The following BCAT1 variants were observed in gnomAD, a reference collection of about 807,000 sequenced individuals.
BCAT1 encodes branched chain amino acid transaminase 1.
BCAT1 carries 48 observed loss-of-function variants against 52.4 expected under a neutral mutation model. The ratio of observed to expected loss-of-function variants is 0.92; its 90% CI spans 0.73 to 1.16. The LOEUF (loss-of-function observed/expected upper bound fraction) is 1.16, where lower values mean the gene tolerates loss of function less well. Among genes scored for constraint, BCAT1 ranks in the 50% most tolerant of loss-of-function variants. The probability of loss-of-function intolerance (pLI) is 0.00; values close to 1 mark genes in which losing one functional copy is unlikely to be tolerated. For missense variants in BCAT1, 451 were observed against 457.1 expected (o/e 0.99, Z 0.12); for synonymous variants, 167 against 161.3 (o/e 1.04, Z -0.27).
At position 24,885,279 on chromosome 12, in the gene BCAT1, A is replaced by G. The variant is rs1007854202; in HGVS notation, c.280-3868T>C. On this transcript the variant is annotated intron_variant, in intron 3 of 10. Transcript: ENST00000261192. Reference sequence around the variant, plus strand: ...TATGTAATAGCAGCAGTTAAAAAATAAAAACACTATTTACAGTAGAATTAA... The same window carrying G: ...TATGTAATAGCAGCAGTTAAAAAATGAAAACACTATTTACAGTAGAATTAA... Among the ~76,000 whole-genome samples, 10 of 152,198 alleles carry G rather than the reference A, an allele frequency of 6.6e-5. 1 individual carries two copies. The highest frequency in any genetic ancestry group is 2.4e-4 in the African/African-American group (10 of 41,460).
At chr12:24,941,151 A>G (rs1457477642) in intron 1 of BCAT1, among the ~76,000 whole-genome samples, 1 of 152,214 alleles carries the variant, frequency 6.6e-6, no homozygotes, top group Non-Finnish European at 1.5e-5. Context: ...GAGTTTGTTC[A>G]TTACGATTTT....
rs1939815195 is a variant in BCAT1 at position 24,814,798 on chromosome 12, GTTTGTTTTTTTT to G, written c.*3198_*3209del. 2.2e-5 allele frequency: 1 copy of G among 46,142 alleles called. No homozygotes were observed. The highest frequency in any genetic ancestry group is 4.8e-5 in the Non-Finnish European group (1 of 20,968). The allele number at this position is 46,142 out of a possible 1,614,324, so 2.9% of individuals were successfully genotyped here. A position where few individuals can be genotyped will look rare whatever the true frequency, so the allele number is the denominator to read the frequency against. ...CTTGCTACTGCCTGCCTCTGCCTCT[GTTTGTTTTTTTT>G]TTTTTTTTTTGTCTTACATTTTTTC... On this transcript the variant is annotated 3_prime_UTR_variant, in exon 11 of 11. Coordinates refer to ENST00000261192, the MANE Select transcript of BCAT1 (RefSeq NM_005504.7).
At chr12:24,923,507 C>G (rs1591879079) in intron 1 of BCAT1, among the ~76,000 whole-genome samples, 1 of 152,154 alleles carries the variant, frequency 6.6e-6, no homozygotes, top group Admixed American at 6.5e-5. Flanking sequence ...CTCTGCCTCC[C>G]AGGATTCTCC....
intron 1 of BCAT1, chr12:24,902,293 A>G (rs1943128763): frequency 3.1e-6 from 4 of 1,303,512 alleles, no homozygotes; most frequent in Admixed American, 7.5e-5. Context: ...GGTCTTGTCA[A>G]TCACAGACGC....
At chr12:24,878,714 C>T in intron 4 of BCAT1, 65 bp from the exon 5 acceptor site, 10 of 1,426,138 alleles carry the variant, frequency 7.0e-6, no homozygotes, top group Non-Finnish European at 9.5e-6. Flanking sequence ...ATAAATGATC[C>T]TCACTGAAGC....
intron 1 of BCAT1, among the ~76,000 whole-genome samples, chr12:24,912,388 T>C (rs1293599710): frequency 6.6e-6 from 1 of 151,858 alleles, no homozygotes; most frequent in African/African-American, 2.4e-5. Flanking sequence ...GGCGTAGTGG[T>C]GGGCACCTGT....
chr12:24,937,211 G>C (rs2139754375), intron 1 of BCAT1, among the ~76,000 whole-genome samples: 1 of 152,236 alleles, frequency 6.6e-6, no homozygotes, highest in African/African-American at 2.4e-5. Context: ...GGGTCTCTTT[G>C]AGGAAGTAGC....
chr12:24,842,545 A>C (rs930882589), intron 6 of BCAT1, among the ~76,000 whole-genome samples: 1 of 152,198 alleles, frequency 6.6e-6, no homozygotes. Context: ...CCACACACCA[A>C]GCAATTTTAC....
chr12:24,858,210 T>C (rs1046830971), intron 5 of BCAT1, among the ~76,000 whole-genome samples: 3 of 152,336 alleles, frequency 2.0e-5, no homozygotes, highest in Middle Eastern at 3.4e-3. Context: ...TAACAGCTAC[T>C]GGGTCTTCTG....
intron 3 of BCAT1, among the ~76,000 whole-genome samples, chr12:24,887,726 T>C (rs1942724713): frequency 6.6e-6 from 1 of 152,246 alleles, no homozygotes; most frequent in Non-Finnish European, 1.5e-5. Context: ...TTATGCTTTA[T>C]TTCACTAAAT....
intron 1 of BCAT1, among the ~76,000 whole-genome samples, chr12:24,921,135 T>C (rs1181125755): frequency 6.6e-6 from 1 of 152,142 alleles, no homozygotes; most frequent in Non-Finnish European, 1.5e-5. Flanking sequence ...TGGATTTTCA[T>C]GGAGGCTTCA....
intron 3 of BCAT1, among the ~76,000 whole-genome samples, chr12:24,889,225 G>A (rs992367204): frequency 2.6e-5 from 4 of 152,138 alleles, no homozygotes; most frequent in African/African-American, 9.7e-5. Context: ...GTGAGTCCTT[G>A]TCCTAAATTT....
chr12:24,907,186 A>G (rs529484300), intron 1 of BCAT1, among the ~76,000 whole-genome samples: 1 of 152,130 alleles, frequency 6.6e-6, no homozygotes. Context: ...TACCTGTAAC[A>G]TTCCCTGCCT....
chr12:24,903,826 T>A (rs1221625475), intron 1 of BCAT1: 1 of 152,204 alleles, frequency 6.6e-6, no homozygotes, highest in Non-Finnish European at 1.5e-5. Context: ...GAATAGCTAT[T>A]GTCTTATATG....
rs1252746705 is a variant in BCAT1 at position 24,814,785 on chromosome 12, T to A, written c.*3223A>T. 1 of 147,352 alleles carries A rather than the reference T, an allele frequency of 6.8e-6. No individual in the cohort carries two copies. Among genetic ancestry groups the A allele is most frequent in the African/African-American group, 2.5e-5 (1 of 40,422 alleles). 9.1% of individuals were successfully genotyped at this position (147,352 alleles called of 1,614,324 possible). A position where few individuals can be genotyped will look rare whatever the true frequency, so the allele number is the denominator to read the frequency against. ...TACGCTCTGCTTTCTTGCTACTGCC[T>A]GCCTCTGCCTCTGTTTGTTTTTTTT... On this transcript the variant is annotated 3_prime_UTR_variant, in exon 11 of 11. Coordinates refer to ENST00000261192, the MANE Select transcript of BCAT1 (RefSeq NM_005504.7).
Position 24,815,304 on chromosome 12 carries a change from T to G in BCAT1, c.*2704A>C, listed in dbSNP as rs979103472. ...ACCAGTTCTGTTTATATTAATGCAC[T>G]TGTGAATTGCTGAATCTCATTTGAT... is the stretch of plus-strand genomic sequence containing the variant. On this transcript the variant is annotated 3_prime_UTR_variant, in exon 11 of 11. Coordinates refer to ENST00000261192, the MANE Select transcript of BCAT1 (RefSeq NM_005504.7). 2 of 152,586 alleles carry G rather than the reference T, an allele frequency of 1.3e-5. No individual in the cohort carries two copies. Among genetic ancestry groups the G allele is most frequent in the Admixed American group, 1.3e-4 (2 of 15,282 alleles). 9.5% of individuals were successfully genotyped at this position (152,586 alleles called of 1,614,324 possible).
rs1940929184 is a variant in BCAT1 at position 24,836,496 on chromosome 12, A to G, written c.903+15T>C. 7 of 1,604,210 alleles carry G rather than the reference A, an allele frequency of 4.4e-6. No individual in the cohort carries two copies. In the African/African-American group the frequency reaches 8.0e-5, roughly 18 times the overall value. The stretch of plus-strand genomic sequence containing the variant: ...TTTCAGGCTTACAAAAGTTGTTCAT[A>G]TCAAAGGCACCCACCCACTGATGTG... On this transcript the variant is annotated intron_variant, in intron 8 of 10. Transcript: ENST00000261192.
At chr12:24,818,884 G>T (rs890086505) in intron 10 of BCAT1, among the ~76,000 whole-genome samples, 3 of 152,058 alleles carry the variant, frequency 2.0e-5, no homozygotes, top group African/African-American at 4.8e-5. Context: ...CAATCAGTCA[G>T]TCATTCAACA....
intron 5 of BCAT1, among the ~76,000 whole-genome samples, chr12:24,875,248 C>G (rs368675423): frequency 6.6e-6 from 1 of 152,152 alleles, no homozygotes; most frequent in Non-Finnish European, 1.5e-5. Context: ...ACATGAATTG[C>G]GTAACATCTG....
Sources: gnomAD v4.1 joint callset for allele counts (sites outside exome capture counted in the v4.1 genomes callset) on GRCh38, gnomAD v4.1.1 for gene constraint, MANE v1.5 for transcripts, NCBI Gene and HGNC (gene_info 2026-07-23, HGNC 2026-07-21) for gene names.